BDP1: variants seen among roughly 807,000 people sequenced by gnomAD.
BDP1 encodes the protein BDP1 general transcription factor IIIB subunit, also known as transcription factor TFIIIB component B'' homolog.
BDP1 carries 169 observed loss-of-function variants against 266.6 expected under a neutral mutation model. The observed-to-expected ratio is 0.63, with a 90% CI of 0.56 to 0.72. The LOEUF (loss-of-function observed/expected upper bound fraction) is 0.72. Among genes scored for constraint, BDP1 ranks in the 30% least tolerant of loss-of-function variants. BDP1 has a pLI of 0.00. For synonymous variants in BDP1, 1,090 were observed against 1,022.4 expected (o/e 1.07, Z -1.26); for missense variants, 3,015 against 3,053.8 (o/e 0.99, Z 0.30).
At chr5:71,551,931 G>A (rs1742803462) in intron 34 of BDP1, among the ~76,000 whole-genome samples, 1 of 150,258 alleles carries the variant, frequency 6.7e-6, no homozygotes, top group Non-Finnish European at 1.5e-5. Flanking sequence ...TCCCGGACGG[G>A]GCGGCTGGCC....
At chr5:71,464,341 A>G (rs1310753302) in intron 4 of BDP1, among the ~76,000 whole-genome samples, 1 of 152,014 alleles carries the variant, frequency 6.6e-6, no homozygotes, top group Non-Finnish European at 1.5e-5. Context: ...CAAAAAATGT[A>G]AAAATAAGCT....
intron 7 of BDP1, among the ~76,000 whole-genome samples, chr5:71,476,720 T>C (rs1169336828): frequency 6.6e-6 from 1 of 152,116 alleles, no homozygotes; most frequent in African/African-American, 2.4e-5. Context: ...TTTCTTTTTT[T>C]TGAGATGGAG....
downstream of BDP1, among the ~76,000 whole-genome samples, chr5:71,569,062 A>G (rs1198527568): frequency 1.3e-5 from 2 of 152,178 alleles, no homozygotes; most frequent in Non-Finnish European, 2.9e-5. Flanking sequence ...TGCAGCTGTG[A>G]TTGACATCAT....
At chr5:71,552,193 G>A (rs1197442528) in intron 34 of BDP1, among the ~76,000 whole-genome samples, 51 of 149,866 alleles carry the variant, frequency 3.4e-4, no homozygotes, top group African/African-American at 9.3e-4. Flanking sequence ...GGTCGCGGCC[G>A]GGCAGAGGCG....
chr5:71,520,138 T>A (rs553603737), intron 22 of BDP1, among the ~76,000 whole-genome samples: 1 of 152,346 alleles, frequency 6.6e-6, no homozygotes, highest in South Asian at 2.1e-4. Context: ...CTTTTGCCTA[T>A]TCTTTAATCA....
chr5:71,516,568 G>T (rs1238373112), intron 21 of BDP1, among the ~76,000 whole-genome samples: 3 of 152,010 alleles, frequency 2.0e-5, no homozygotes, highest in African/African-American at 7.3e-5. Context: ...TATCTTACTG[G>T]ATTTATTTCC....
At chr5:71,576,721 GC>G in the BDP1 span, among the ~76,000 whole-genome samples, 1 of 152,190 alleles carries the variant, frequency 6.6e-6, no homozygotes, top group Non-Finnish European at 1.5e-5. Context: ...GGCATTGGTG[GC>G]AAGCTTTTAA....
intron 26 of BDP1, among the ~76,000 whole-genome samples, chr5:71,534,866 C>T (rs1766492862): frequency 6.6e-6 from 1 of 152,010 alleles, no homozygotes; most frequent in Non-Finnish European, 1.5e-5. Context: ...GTCTCGAACT[C>T]CTGATCTCAG....
chr5:71,569,602 C>T (rs1043601935), downstream of BDP1, among the ~76,000 whole-genome samples: 1 of 149,870 alleles, frequency 6.7e-6, no homozygotes, highest in African/African-American at 2.5e-5. Context: ...AAAAATTAGC[C>T]AGGTGTGCTA....
chr5:71,548,780 CT>C (rs1225803763), intron 33 of BDP1, 35 bp downstream of exon 33: 27 of 1,422,104 alleles, frequency 1.9e-5, no homozygotes, highest in Non-Finnish European at 2.7e-5. Flanking sequence ...TGTCATAGAA[CT>C]TAGTTGTATG....
intron 22 of BDP1, 109 bp from the exon 23 acceptor site, chr5:71,522,180 C>T (rs962057542): frequency 1.2e-6 from 1 of 809,022 alleles, no homozygotes; most frequent in East Asian, 2.5e-5. Flanking sequence ...TATATATAGT[C>T]CTTTGAACAT....
Position 71,495,335 on chromosome 5 carries a change from G to A in BDP1, c.1726G>A (p.Ala576Thr). The A allele has an allele frequency of 6.2e-7, 1 of 1,608,336 alleles. No homozygotes were observed. Among genetic ancestry groups the A allele is most frequent in the Non-Finnish European group, 8.5e-7 (1 of 1,176,744 alleles). ...DLPSFEVGIR[A>T]LCEVNNAEGS... ...GCCTTCATTCGAAGTTGGAATTAGA[G>A]CATTGTGTGAGGTGAATAATGCTGA... Residue 576 changes from alanine to threonine, a missense_variant, in exon 12 of 39, where the codon GCA becomes ACA. Coordinates refer to ENST00000358731, the MANE Select transcript of BDP1 (RefSeq NM_018429.3).
intron 35 of BDP1, 74 bp downstream of exon 35, chr5:71,553,394 T>A (rs1580211458): frequency 9.9e-7 from 1 of 1,013,180 alleles, no homozygotes; most frequent in East Asian, 2.5e-5. Context: ...TCTGTTCCTA[T>A]TTTTTCCTTT....
At chr5:71,472,434 CTG>C (rs1377137868) in intron 7 of BDP1, among the ~76,000 whole-genome samples, 6 of 152,318 alleles carry the variant, frequency 3.9e-5, no homozygotes, top group African/African-American at 1.4e-4. Flanking sequence ...GCACTCCAGT[CTG>C]TGCAATGGGA....
At chr5:71,462,359 C>T (rs1273185278) in intron 3 of BDP1, among the ~76,000 whole-genome samples, 1 of 152,186 alleles carries the variant, frequency 6.6e-6, no homozygotes, top group Non-Finnish European at 1.5e-5. Flanking sequence ...ATTTGGAACA[C>T]ATATGTCCTT....
chr5:71,537,324 G>A (rs1359507285), intron 26 of BDP1, among the ~76,000 whole-genome samples: 1 of 152,006 alleles, frequency 6.6e-6, no homozygotes, highest in African/African-American at 2.4e-5. Flanking sequence ...ATCGCACACT[G>A]TTTTCTGGTT....
chr5:71,568,176 G>T (rs776538700), downstream of BDP1, among the ~76,000 whole-genome samples: 11 of 152,082 alleles, frequency 7.2e-5, no homozygotes, highest in Admixed American at 1.3e-4. Context: ...TGACAGGTGT[G>T]CATGTCGTTA....
chr5:71,508,403 C>T (rs1399923825), intron 16 of BDP1, among the ~76,000 whole-genome samples: 2 of 152,020 alleles, frequency 1.3e-5, no homozygotes, highest in African/African-American at 4.8e-5. Context: ...TTCCTGGGCT[C>T]AGGTGATCCT....
At position 71,513,329 on chromosome 5, in the gene BDP1, G is replaced by T. The variant is rs908980816; in HGVS notation, c.4392G>T (p.Lys1464Asn). ...AATCAGAAAAATATATATATGAGAA[G>T]AAATCAGAAACCAAGAAAATGGAGA... Reference protein sequence around the residue: ...TTESEKYIYEKKSETKKMETI... With the variant: ...TTESEKYIYENKSETKKMETI... The change falls in exon 19 of 39, where the codon AAG (lysine) becomes AAT (asparagine). Residue 1464 changes from lysine to asparagine, a missense_variant. Lys to Asn is a moderately conservative substitution (Grantham distance 94). This residue lies in a region of BDP1 where 2,383 missense variants were observed against 2,404.9 expected (regional missense o/e 0.99). Coordinates refer to ENST00000358731, the MANE Select transcript of BDP1 (RefSeq NM_018429.3). 12 of 1,603,542 alleles carry T rather than the reference G, an allele frequency of 7.5e-6. No homozygotes were observed. Among genetic ancestry groups the T allele is most frequent in the Non-Finnish European group, 9.4e-6 (11 of 1,174,870 alleles).
Sources: allele counts gnomAD v4.1 joint callset (sites outside exome capture counted in the v4.1 genomes callset), GRCh38; gene constraint gnomAD v4.1.1; regional missense constraint gnomAD v4.1.1; transcripts MANE v1.5; gene names NCBI Gene and HGNC (gene_info 2026-07-23, HGNC 2026-07-21).